Variants in HMBOX1 observed in about 807,000 individuals in gnomAD.
The protein encoded by HMBOX1 is homeobox-containing protein 1.
HMBOX1 carries 14 observed loss-of-function variants against 54.5 expected under a neutral mutation model. The ratio of observed to expected loss-of-function variants is 0.26; its 90% CI spans 0.17 to 0.40. The LOEUF (loss-of-function observed/expected upper bound fraction) is 0.40, where lower values mean the gene tolerates loss of function less well. Among genes scored for constraint, HMBOX1 ranks in the 10% least tolerant of loss-of-function variants. HMBOX1 has a pLI of 1.00. For synonymous variants in HMBOX1, 160 were observed against 181.0 expected (o/e 0.88, Z 0.93); for missense variants, 332 against 514.4 (o/e 0.65, Z 3.43).
intron 4 of HMBOX1, among the ~76,000 whole-genome samples, chr8:28,985,944 T>A (rs1422459966): frequency 6.6e-6 from 1 of 152,186 alleles, no homozygotes; most frequent in Non-Finnish European, 1.5e-5. Flanking sequence ...CACGTCATTG[T>A]CACCCAAAGT....
chr8:28,966,948 G>A (rs915588464), intron 2 of HMBOX1, among the ~76,000 whole-genome samples: 3 of 152,228 alleles, frequency 2.0e-5, no homozygotes, highest in Non-Finnish European at 4.4e-5. Context: ...AAGAAGAGCA[G>A]GGATATATCA....
intron 1 of HMBOX1, among the ~76,000 whole-genome samples, chr8:28,916,453 A>G (rs1471500993): frequency 6.6e-6 from 1 of 152,182 alleles, no homozygotes; most frequent in Non-Finnish European, 1.5e-5. Flanking sequence ...TTTTCCATGT[A>G]AGTCTGTGAC....
At chr8:29,027,109 T>C (rs560881071) in intron 6 of HMBOX1, among the ~76,000 whole-genome samples, 31 of 152,344 alleles carry the variant, frequency 2.0e-4, no homozygotes, top group African/African-American at 7.0e-4. Flanking sequence ...AAGCATTTGC[T>C]GTGTGTTAGC....
intron 1 of HMBOX1, among the ~76,000 whole-genome samples, chr8:28,952,012 A>C (rs1198318708): frequency 3.3e-5 from 5 of 152,114 alleles, no homozygotes; most frequent in Non-Finnish European, 1.5e-5. Context: ...GTCTCTACAA[A>C]AATTTTTTTA....
intron 1 of HMBOX1, among the ~76,000 whole-genome samples, chr8:28,930,076 G>T (rs1293728784): frequency 6.6e-6 from 1 of 151,938 alleles, no homozygotes; most frequent in Non-Finnish European, 1.5e-5. Context: ...GGGTGATGGT[G>T]GGCATAGAAG....
chr8:29,049,153 AGTCACT>A (rs1264851046), intron 9 of HMBOX1, 105 bp downstream of exon 9: 5 of 1,463,628 alleles, frequency 3.4e-6, no homozygotes, highest in Non-Finnish European at 3.8e-6. Flanking sequence ...GAGGGGAAAC[AGTCACT>A]GTCCCTCCAC....
intron 4 of HMBOX1, among the ~76,000 whole-genome samples, chr8:28,989,388 T>G (rs1453060149): frequency 6.6e-6 from 1 of 152,222 alleles, no homozygotes; most frequent in African/African-American, 2.4e-5. Context: ...CATTTAAAAT[T>G]AATTTTTGTG....
chr8:28,905,374 CAGAG>C (rs909522975), intron 1 of HMBOX1, among the ~76,000 whole-genome samples: 5 of 150,962 alleles, frequency 3.3e-5, no homozygotes, highest in East Asian at 3.9e-4. Context: ...CACACACACG[CAGAG>C]AGAGAGAGAG....
rs188030234 is a variant in HMBOX1 at position 29,002,901 on chromosome 8, C to A, written c.587-6171C>A. On this transcript the variant is annotated intron_variant, in intron 4 of 9. Coordinates refer to ENST00000287701, the MANE Select transcript of HMBOX1 (RefSeq NM_001135726.3). Reference sequence around the variant, plus strand: ...TTGGGTGTGTGGTTTTTAAAATTCGCTTTTCTCTTAATTTTTCCCCTTTCA... The same window carrying A: ...TTGGGTGTGTGGTTTTTAAAATTCGATTTTCTCTTAATTTTTCCCCTTTCA... Among the ~76,000 whole-genome samples the A allele has an allele frequency of 3.6e-4, 55 of 152,130 alleles. No individual in the cohort carries two copies. The East Asian group carries it at 7.5e-3, about 21-fold the overall frequency.
chr8:28,924,206 A>T (rs1282845393), intron 1 of HMBOX1, among the ~76,000 whole-genome samples: 1 of 150,700 alleles, frequency 6.6e-6, no homozygotes, highest in Non-Finnish European at 1.5e-5. Context: ...TCCCGGGTTC[A>T]CGCCATTCTC....
intron 1 of HMBOX1, among the ~76,000 whole-genome samples, chr8:28,963,562 A>G (rs1825957025): frequency 6.6e-6 from 1 of 152,186 alleles, no homozygotes; most frequent in Non-Finnish European, 1.5e-5. Flanking sequence ...ACCAGCTAAT[A>G]AGTTGTCTTC....
intron 1 of HMBOX1, among the ~76,000 whole-genome samples, chr8:28,896,338 A>G (rs1812106397): frequency 6.6e-6 from 1 of 152,266 alleles, no homozygotes; most frequent in Non-Finnish European, 1.5e-5. Flanking sequence ...GGAAATTGAC[A>G]TCAGTACAAT....
chr8:28,991,938 A>C (rs1831039942), intron 4 of HMBOX1, among the ~76,000 whole-genome samples: 1 of 152,202 alleles, frequency 6.6e-6, no homozygotes, highest in Admixed American at 6.5e-5. Context: ...TGCCATGCCA[A>C]CTGTTTTATG....
intron 1 of HMBOX1, among the ~76,000 whole-genome samples, chr8:28,928,232 A>G (rs995041437): frequency 6.6e-5 from 10 of 152,228 alleles, no homozygotes; most frequent in African/African-American, 2.2e-4. Context: ...TGGGAAGTCA[A>G]TGAAAACTTC....
At chr8:28,898,393 A>C (rs1008758596) in intron 1 of HMBOX1, among the ~76,000 whole-genome samples, 1 of 152,106 alleles carries the variant, frequency 6.6e-6, no homozygotes, top group African/African-American at 2.4e-5. Flanking sequence ...CCTTGGATTT[A>C]TGTTTCTAGC....
intron 5 of HMBOX1, among the ~76,000 whole-genome samples, chr8:29,012,298 T>C (rs1240362865): frequency 6.6e-6 from 1 of 152,216 alleles, no homozygotes; most frequent in African/African-American, 2.4e-5. Context: ...TTATGTTAGC[T>C]TATAGGACAG....
intron 1 of HMBOX1, among the ~76,000 whole-genome samples, chr8:28,893,834 G>A (rs1436076546): frequency 6.6e-6 from 1 of 152,176 alleles, no homozygotes; most frequent in Non-Finnish European, 1.5e-5. Flanking sequence ...CCTGTACACT[G>A]TATTCAGCAC....
intron 1 of HMBOX1, among the ~76,000 whole-genome samples, chr8:28,923,023 C>T (rs1817808841): frequency 6.6e-6 from 1 of 152,138 alleles, no homozygotes; most frequent in Non-Finnish European, 1.5e-5. Context: ...ATACACATAA[C>T]CTAAAATTGA....
chr8:28,957,143 A>G (rs978509188), intron 1 of HMBOX1, among the ~76,000 whole-genome samples: 12 of 152,358 alleles, frequency 7.9e-5, no homozygotes, highest in African/African-American at 2.9e-4. Context: ...TATACACAAT[A>G]GCAAAGACAT....
Sources: gnomAD v4.1 joint callset for allele counts (sites outside exome capture counted in the v4.1 genomes callset) on GRCh38, gnomAD v4.1.1 for gene constraint, MANE v1.5 for transcripts, NCBI Gene and HGNC (gene_info 2026-07-23, HGNC 2026-07-21) for gene names.